Variants in PPP2R2C observed in about 807,000 individuals in gnomAD.
PPP2R2C encodes the protein protein phosphatase 2, regulatory subunit B, gamma.
Under a neutral mutation model 45.3 loss-of-function variants are expected in PPP2R2C, and 10 were observed. That is an observed-to-expected ratio of 0.22 (90% confidence interval 0.14 to 0.37). The LOEUF is 0.37. Among genes scored for constraint, PPP2R2C ranks in the 10% least tolerant of loss-of-function variants. PPP2R2C has a pLI of 1.00. For missense variants in PPP2R2C, 308 were observed against 619.7 expected, an observed-to-expected ratio of 0.50 and a Z score of 5.34; for synonymous variants, 257 against 245.4, an observed-to-expected ratio of 1.05 and a Z score of -0.44.
chr4:6,501,053 G>C (rs950098613), intron 2 of PPP2R2C, among the ~76,000 whole-genome samples: 20 of 152,214 alleles, frequency 1.3e-4, no homozygotes, highest in African/African-American at 4.8e-4. Context: ...TGGGGGAAGA[G>C]AGAATCATTG....
chr4:6,323,643 T>A, intron 8 of PPP2R2C, 50 bp from the exon 9 acceptor site: 1 of 1,461,482 alleles, frequency 6.8e-7, no homozygotes, highest in Non-Finnish European at 9.1e-7. Context: ...AAGCCCCTTC[T>A]CGAGAAATAA....
intron 1 of PPP2R2C, among the ~76,000 whole-genome samples, chr4:6,442,862 T>C (rs1189926691): frequency 2.2e-4 from 34 of 152,218 alleles, no homozygotes; most frequent in Admixed American, 2.2e-3. Context: ...ACCGAGCAGC[T>C]AGTGGCTGCA....
intron 6 of PPP2R2C, 130 bp downstream of exon 6, chr4:6,347,715 AC>A (rs1267702284): frequency 2.5e-6 from 3 of 1,219,634 alleles, no homozygotes; most frequent in Non-Finnish European, 3.4e-6. Flanking sequence ...CAATGGGCCC[AC>A]CCACCTTGGC....
chr4:6,481,978 C>CAAAAAA (rs59905632), intron 2 of PPP2R2C, among the ~76,000 whole-genome samples: 1 of 81,152 alleles, frequency 1.2e-5, no homozygotes, highest in Admixed American at 1.6e-4. Context: ...GACTCCGTCT[C>CAAAAAA]AAAAAAAAAA....
At chr4:6,549,284 A>C (rs1169070223) in intron 1 of PPP2R2C, among the ~76,000 whole-genome samples, 23 of 136,062 alleles carry the variant, frequency 1.7e-4, no homozygotes, top group East Asian at 4.5e-4. Context: ...CACCCTTCCC[A>C]CTCTCTGCTT....
intron 1 of PPP2R2C, among the ~76,000 whole-genome samples, chr4:6,403,968 G>A (rs569661994): frequency 1.7e-4 from 26 of 152,272 alleles, no homozygotes; most frequent in Middle Eastern, 3.4e-3. Context: ...TGGGATGGGA[G>A]TCAGGGGACT....
chr4:6,461,354 A>C (rs2108757667), intron 1 of PPP2R2C, among the ~76,000 whole-genome samples: 1 of 152,306 alleles, frequency 6.6e-6, no homozygotes, highest in East Asian at 1.9e-4. Context: ...ACATCCACCA[A>C]GATGCAGGTT....
intron 2 of PPP2R2C, among the ~76,000 whole-genome samples, chr4:6,530,919 T>C (rs1724375708): frequency 6.6e-6 from 1 of 152,116 alleles, no homozygotes; most frequent in African/African-American, 2.4e-5. Flanking sequence ...AGGCCCCAAA[T>C]GTTGACCAAC....
chr4:6,550,037 C>T (rs1015090580), intron 1 of PPP2R2C, among the ~76,000 whole-genome samples: 8 of 152,162 alleles, frequency 5.3e-5, no homozygotes, highest in Admixed American at 1.3e-4. Context: ...CACCGCAGCA[C>T]GAGGTGCAGC....
At chr4:6,348,727 G>T in intron 5 of PPP2R2C, 8 of 984,216 alleles carry the variant, frequency 8.1e-6, no homozygotes, top group Non-Finnish European at 9.7e-6. Context: ...CTGCTGCCAG[G>T]ACAAGGAGAA....
intron 2 of PPP2R2C, among the ~76,000 whole-genome samples, chr4:6,510,812 C>A (rs550340972): frequency 3.5e-4 from 53 of 152,104 alleles, no homozygotes; most frequent in African/African-American, 1.2e-3. Flanking sequence ...AATGTCCCCA[C>A]TAAAAATCCA....
At chr4:6,472,127 G>A (rs1721932122) in intron 1 of PPP2R2C, 33 bp downstream of exon 1, 1 of 1,612,772 alleles carries the variant, frequency 6.2e-7, no homozygotes, top group Non-Finnish European at 8.5e-7. Context: ...CGCCGCGGCC[G>A]GCCGGAGGGG....
At position 6,378,642 on chromosome 4, in the gene PPP2R2C, C is replaced by A. The variant is rs1715537422; in HGVS notation, c.169-70G>T. ...GGGCGACGGCTAGGACCTCCGGGGA[C>A]CCAGCAGGGCCGGCCGTGGGACCAA... On this transcript the variant is annotated intron_variant, in intron 2 of 8. Coordinates refer to ENST00000382599, the MANE Select transcript of PPP2R2C (RefSeq NM_020416.4). The surrounding 1 kb of genome is among the most constrained non-coding windows in gnomAD (Gnocchi z 5.2). 6.6e-7 allele frequency: 1 copy of A among 1,505,864 alleles called. No individual in the cohort carries two copies. The highest frequency in any genetic ancestry group is 2.0e-5 in the Admixed American group (1 of 49,536). The allele number at this position is 1,505,864 out of a possible 1,614,324, so 93.3% of individuals were successfully genotyped here.
At chr4:6,339,629 G>A (rs921579053) in intron 6 of PPP2R2C, among the ~76,000 whole-genome samples, 7 of 152,234 alleles carry the variant, frequency 4.6e-5, no homozygotes, top group African/African-American at 1.7e-4. Flanking sequence ...GCATGGGCTT[G>A]AGCCATGCAT....
chr4:6,529,652 A>G (rs1165857525), intron 2 of PPP2R2C, among the ~76,000 whole-genome samples: 1 of 152,226 alleles, frequency 6.6e-6, no homozygotes, highest in Non-Finnish European at 1.5e-5. Flanking sequence ...TCCCTGGCAC[A>G]GTCCTCCCAG....
At chr4:6,386,490 C>A (rs1194019410) in intron 1 of PPP2R2C, among the ~76,000 whole-genome samples, 11 of 152,350 alleles carry the variant, frequency 7.2e-5, no homozygotes, top group African/African-American at 2.6e-4. Context: ...CAGCTGCAAC[C>A]CAGCCAGGGC....
chr4:6,378,900 C>T lies in PPP2R2C; in HGVS notation c.169-328G>A, dbSNP rs1432687564. Among the ~76,000 whole-genome samples, 1 of 151,710 alleles carries T rather than the reference C, an allele frequency of 6.6e-6. No individual in the cohort carries two copies. Among genetic ancestry groups the T allele is most frequent in the East Asian group, 2.0e-4 (1 of 5,092 alleles). On this transcript the variant is annotated intron_variant, in intron 2 of 8. Transcript: ENST00000382599. This position sits in a 1 kb window ranked among gnomAD's most constrained non-coding sequence, Gnocchi z 5.2. Reference sequence around the variant, plus strand: ...TCGCATTCTACCCTCCAGGCCTCCTCTGCTTGAGCACCACGACTCTCCCCA... The same window carrying T: ...TCGCATTCTACCCTCCAGGCCTCCTTTGCTTGAGCACCACGACTCTCCCCA...
At position 6,329,193 on chromosome 4, in the gene PPP2R2C, G is replaced by A. The variant is rs114804450; in HGVS notation, c.1052+69C>T. ...CATGCTGCGGGTCACCGGAATCCCA[G>A]CCCAGACCCCTGCAGGGCAGAAACC... On this transcript the variant is annotated intron_variant, in intron 8 of 8. Coordinates refer to ENST00000382599, the MANE Select transcript of PPP2R2C (RefSeq NM_020416.4). The surrounding 1 kb of genome is among the most constrained non-coding windows in gnomAD (Gnocchi z 5.8). 1.0e-3 allele frequency: 1,480 copies of A among 1,478,354 alleles called. 9 individuals are homozygous for A. In the African/African-American group the frequency reaches 0.018, roughly 18 times the overall value. 91.6% of individuals were successfully genotyped at this position (1,478,354 alleles called of 1,614,324 possible). A position where few individuals can be genotyped will look rare whatever the true frequency, so the allele number is the denominator to read the frequency against.
Position 6,508,078 on chromosome 4 carries a change from T to C in PPP2R2C, c.49+27193A>G, listed in dbSNP as rs148338959. ...GAGTTTCAGGCCAGCCTAGGCTACA[T>C]AGTAAGACCCCAGTCTCTAAAAATA... On this transcript the variant is annotated intron_variant, in intron 2 of 9. Transcript: ENST00000506140. 3.1e-3 allele frequency among the ~76,000 whole-genome samples: 468 copies of C among 152,282 alleles called. 2 individuals are homozygous for C. Among genetic ancestry groups the C allele is most frequent in the African/African-American group, 0.011 (449 of 41,546 alleles).
Sources: gnomAD v4.1 joint callset for allele counts (sites outside exome capture counted in the v4.1 genomes callset) on GRCh38, gnomAD v4.1.1 for gene constraint, Gnocchi (gnomAD v3.1) non-coding constraint, MANE v1.5 for transcripts, NCBI Gene and HGNC (gene_info 2026-07-23, HGNC 2026-07-21) for gene names.